The following ACO2 variants were observed in gnomAD, a reference collection of about 807,000 sequenced individuals.
The protein encoded by ACO2 is aconitase 2.
ACO2 carries 31 observed loss-of-function variants against 84.5 expected under a neutral mutation model. The ratio of observed to expected loss-of-function variants is 0.37; its 90% confidence interval spans 0.28 to 0.50. The LOEUF (loss-of-function observed/expected upper bound fraction) is 0.50, where lower values mean the gene tolerates loss of function less well. Among genes scored for constraint, ACO2 ranks in the 20% least tolerant of loss-of-function variants. The pLI is 0.97. For missense variants in ACO2, 685 were observed against 1,029.3 expected (o/e 0.67, Z 4.58); for synonymous variants, 414 against 412.7 (o/e 1.00, Z -0.04).
intron 1 of ACO2, among the ~76,000 whole-genome samples, chr22:41,475,428 C>T (rs2038001231): frequency 1.3e-5 from 2 of 151,968 alleles, no homozygotes; most frequent in South Asian, 2.1e-4. Context: ...GGATTATAGG[C>T]GCGAGCCACT....
At chr22:41,495,514 C>T (rs2066306508) in intron 1 of ACO2, among the ~76,000 whole-genome samples, 1 of 152,118 alleles carries the variant, frequency 6.6e-6, no homozygotes, top group Non-Finnish European at 1.5e-5. Flanking sequence ...TTAACCGTGC[C>T]CTGGCTGTTG....
intron 1 of ACO2, among the ~76,000 whole-genome samples, chr22:41,495,221 C>G (rs2066304338): frequency 1.3e-5 from 2 of 151,870 alleles, no homozygotes; most frequent in African/African-American, 4.8e-5. Flanking sequence ...TTTGTAGAAA[C>G]AAGGCCTTGC....
At chr22:41,474,976 C>G (rs1269618079) in intron 1 of ACO2, among the ~76,000 whole-genome samples, 33 of 151,782 alleles carry the variant, frequency 2.2e-4, no homozygotes, top group Admixed American at 2.2e-3. Flanking sequence ...TTCTCAAGTA[C>G]TTTATTTCAC....
chr22:41,507,739 G>A, intron 2 of ACO2, 52 bp from the exon 3 acceptor site: 2 of 1,574,300 alleles, frequency 1.3e-6, no homozygotes, highest in Non-Finnish European at 1.7e-6. Flanking sequence ...GGCAGGGCGG[G>A]AGGAGGCCGT....
intron 3 of ACO2, among the ~76,000 whole-genome samples, chr22:41,511,650 G>A (rs1052488059): frequency 4.6e-5 from 7 of 152,228 alleles, no homozygotes; most frequent in Admixed American, 4.6e-4. Context: ...ACAGAACTGG[G>A]GCTCCATCTC....
At chr22:41,526,567 A>G in intron 15 of ACO2, 114 bp downstream of exon 15, 1 of 1,213,652 alleles carries the variant, frequency 8.2e-7, no homozygotes, top group South Asian at 1.5e-5. Context: ...GACCAAGCCC[A>G]AAGGGGACTG....
intron 11 of ACO2, 69 bp downstream of exon 11, chr22:41,523,347 G>T: frequency 8.0e-7 from 1 of 1,257,330 alleles, no homozygotes; most frequent in South Asian, 1.4e-5. Context: ...AGTTGGAGGG[G>T]GAATTATTGG....
At chr22:41,526,617 C>A in intron 15 of ACO2, 164 bp downstream of exon 15, 1 of 706,612 alleles carries the variant, frequency 1.4e-6, no homozygotes, top group Non-Finnish European at 2.2e-6. Context: ...CTCCCTGTGG[C>A]TGAGAAGGCA....
chr22:41,502,908 C>G (rs1455478790), intron 2 of ACO2, among the ~76,000 whole-genome samples: 1 of 151,684 alleles, frequency 6.6e-6, no homozygotes, highest in Non-Finnish European at 1.5e-5. Flanking sequence ...CTGCGCCTGG[C>G]CTTTTTTTTT....
intron 14 of ACO2, chr22:41,525,976 T>C: frequency 2.8e-6 from 1 of 358,124 alleles, no homozygotes; most frequent in South Asian, 5.7e-5. Flanking sequence ...AGCTGAGGCC[T>C]GAAGGGTGAG....
chr22:41,474,242 A>T (rs1031817410), intron 1 of ACO2, among the ~76,000 whole-genome samples: 4 of 148,556 alleles, frequency 2.7e-5, no homozygotes, highest in Non-Finnish European at 5.9e-5. Context: ...TTAGTAACTG[A>T]GGGATGGGTG....
chr22:41,489,132 T>G (rs1054572995), intron 1 of ACO2, among the ~76,000 whole-genome samples: 2 of 152,110 alleles, frequency 1.3e-5, no homozygotes, highest in Non-Finnish European at 2.9e-5. Context: ...AGCCTTGACC[T>G]TCTGGACTAA....
chr22:41,510,277 C>T (rs151123250), intron 3 of ACO2, among the ~76,000 whole-genome samples: 3 of 152,310 alleles, frequency 2.0e-5, no homozygotes, highest in East Asian at 1.9e-4. Context: ...CTGGGGTCCT[C>T]CCACACCCCT....
At chr22:41,514,700 G>A (rs2066461969) in intron 4 of ACO2, among the ~76,000 whole-genome samples, 1 of 152,214 alleles carries the variant, frequency 6.6e-6, no homozygotes, top group Non-Finnish European at 1.5e-5. Context: ...CTTACCAAAT[G>A]TTTTGGGGGA....
chr22:41,500,401 T>C (rs973451759), intron 2 of ACO2, among the ~76,000 whole-genome samples: 8 of 149,398 alleles, frequency 5.4e-5, no homozygotes, highest in African/African-American at 2.0e-4. Context: ...ATATATATAT[T>C]TGAGGCATAG....
chr22:41,512,653 G>GTT (rs772534672), intron 4 of ACO2, among the ~76,000 whole-genome samples: 1 of 152,232 alleles, frequency 6.6e-6, no homozygotes, highest in Non-Finnish European at 1.5e-5. Context: ...CCTTCATGGT[G>GTT]TTCTGTAGGG....
chr22:41,470,016 G>T (rs1318428982), intron 1 of ACO2, among the ~76,000 whole-genome samples: 1 of 152,146 alleles, frequency 6.6e-6, no homozygotes, highest in Non-Finnish European at 1.5e-5. Flanking sequence ...AATGCAGTAC[G>T]AATATTTTGA....
rs933533539 is a variant in ACO2 at position 41,487,107 on chromosome 22, C to G, written c.37-12619C>G. 2.0e-5 allele frequency among the ~76,000 whole-genome samples: 3 copies of G among 152,178 alleles called. No individual in the cohort carries two copies. The East Asian group carries it at 5.8e-4, about 29-fold the overall frequency. On this transcript the variant is annotated intron_variant, in intron 1 of 17. Coordinates refer to ENST00000216254, the MANE Select transcript of ACO2 (RefSeq NM_001098.3). Reference sequence around the variant, plus strand: ...CCATGTTGACCAGGCTGGTCTCGAACTCCTGTCCTCAGGTGATTCACCCAC... The same window carrying G: ...CCATGTTGACCAGGCTGGTCTCGAAGTCCTGTCCTCAGGTGATTCACCCAC...
intron 1 of ACO2, among the ~76,000 whole-genome samples, chr22:41,476,983 T>C (rs971375087): frequency 6.6e-6 from 1 of 151,498 alleles, no homozygotes; most frequent in African/African-American, 2.4e-5. Context: ...ACTCTGTCTC[T>C]ACTAAAATAC....
Sources: gnomAD v4.1 joint callset for allele counts (sites outside exome capture counted in the v4.1 genomes callset) on GRCh38, gnomAD v4.1.1 for gene constraint, MANE v1.5 for transcripts, NCBI Gene and HGNC (gene_info 2026-07-23, HGNC 2026-07-21) for gene names.